Variants in GXYLT1 observed in about 807,000 individuals in gnomAD.
GXYLT1 encodes glucoside xylosyltransferase 1.
In GXYLT1, 29 loss-of-function variants were observed where a neutral mutation model predicts 54.0. The ratio of observed to expected loss-of-function variants is 0.54; its 90% CI spans 0.40 to 0.73. The LOEUF (loss-of-function observed/expected upper bound fraction) is 0.73. Among genes scored for constraint, GXYLT1 ranks in the 30% least tolerant of loss-of-function variants. The pLI is 0.00. For synonymous variants in GXYLT1, 176 were observed against 204.1 expected (o/e 0.86, Z 1.17); for missense variants, 490 against 553.4 (o/e 0.89, Z 1.15).
At chr12:42,141,065 G>A (rs1339364007) in intron 1 of GXYLT1, among the ~76,000 whole-genome samples, 4 of 152,000 alleles carry the variant, frequency 2.6e-5, no homozygotes, top group Non-Finnish European at 5.9e-5. Flanking sequence ...TTGAGGCACC[G>A]CTCCTCTCCA....
At chr12:42,138,446 C>T (rs142357647) in intron 1 of GXYLT1, among the ~76,000 whole-genome samples, 46 of 152,198 alleles carry the variant, frequency 3.0e-4, no homozygotes, top group African/African-American at 1.1e-3. Flanking sequence ...CAATCATCTA[C>T]CCATTTCAAA....
At position 42,119,180 on chromosome 12, in the gene GXYLT1, AAAG is replaced by A; in HGVS notation, c.315-12_315-10del. The A allele has an allele frequency of 6.8e-7, 1 of 1,467,790 alleles. No individual in the cohort carries two copies. Among genetic ancestry groups the A allele is most frequent in the Non-Finnish European group, 9.1e-7 (1 of 1,104,638 alleles). 90.9% of individuals were successfully genotyped at this position (1,467,790 alleles called of 1,614,324 possible). On this transcript the variant is annotated splice_polypyrimidine_tract_variant and intron_variant, in intron 2 of 7. Transcript: ENST00000398675. ...GTATTTTCAGACTGTACCTAATAGG[AAAG>A]AAAACCACATTTTTCAACAGTTTTA...
chr12:42,136,963 TGA>T (rs1482996480), intron 1 of GXYLT1, among the ~76,000 whole-genome samples: 1 of 152,040 alleles, frequency 6.6e-6, no homozygotes, highest in Non-Finnish European at 1.5e-5. Context: ...TTGTTGTTGT[TGA>T]GAGAGTGTTT....
intron 2 of GXYLT1, among the ~76,000 whole-genome samples, chr12:42,123,817 A>G (rs2136910076): frequency 6.6e-6 from 1 of 152,210 alleles, no homozygotes; most frequent in East Asian, 1.9e-4. Context: ...CCATGAAGCT[A>G]TCTTTAAAAA....
At chr12:42,099,582 G>A (rs2136882523) in intron 5 of GXYLT1, among the ~76,000 whole-genome samples, 1 of 152,328 alleles carries the variant, frequency 6.6e-6, no homozygotes, top group East Asian at 1.9e-4. Flanking sequence ...GTCAGGCACA[G>A]CGACTCACGC....
chr12:42,099,083 T>G (rs148885114), intron 5 of GXYLT1, among the ~76,000 whole-genome samples: 7 of 152,088 alleles, frequency 4.6e-5, no homozygotes, highest in Non-Finnish European at 1.0e-4. Context: ...ATATTAAGAC[T>G]GCACTCCAAG....
intron 7 of GXYLT1, 107 bp downstream of exon 7, chr12:42,097,335 T>G (rs1365338958): frequency 5.7e-5 from 42 of 740,522 alleles, no homozygotes; most frequent in Middle Eastern, 4.1e-4. Context: ...TAATAACAGA[T>G]GAGGCTGAGT....
intron 3 of GXYLT1, among the ~76,000 whole-genome samples, chr12:42,118,564 A>G (rs1467303021): frequency 6.6e-6 from 1 of 152,256 alleles, no homozygotes; most frequent in African/African-American, 2.4e-5. Flanking sequence ...CAATTAAGAA[A>G]TAAAACAACT....
At chr12:42,137,190 T>A (rs1049977090) in intron 1 of GXYLT1, among the ~76,000 whole-genome samples, 4 of 152,062 alleles carry the variant, frequency 2.6e-5, no homozygotes. Context: ...CTGACCAACA[T>A]GGTGAAACCT....
At chr12:42,100,223 T>C (rs908491709) in intron 5 of GXYLT1, among the ~76,000 whole-genome samples, 3 of 152,270 alleles carry the variant, frequency 2.0e-5, no homozygotes, top group Admixed American at 2.0e-4. Flanking sequence ...AAACCAGTAT[T>C]CTTCATAGTG....
At position 42,082,252 on chromosome 12, in the gene GXYLT1, T is replaced by A. The variant is rs2065258443; in HGVS notation, c.*5534A>T. 6.6e-6 allele frequency: 1 copy of A among 152,206 alleles called. No homozygotes were observed. The highest frequency in any genetic ancestry group is 2.4e-5 in the African/African-American group (1 of 41,464). 9.4% of individuals were successfully genotyped at this position (152,206 alleles called of 1,614,324 possible). On this transcript the variant is annotated 3_prime_UTR_variant, in exon 8 of 8. Transcript: ENST00000398675. Reference sequence around the variant, plus strand: ...GAACAGGTGCAAACCACCATCCTCTTCACAGATCTTCTGTTACGGCAACCA... The same window carrying A: ...GAACAGGTGCAAACCACCATCCTCTACACAGATCTTCTGTTACGGCAACCA...
chr12:42,123,874 C>T lies in GXYLT1; in HGVS notation c.315-4703G>A, dbSNP rs374963603. On this transcript the variant is annotated intron_variant, in intron 2 of 7. Coordinates refer to ENST00000398675, the MANE Select transcript of GXYLT1 (RefSeq NM_173601.2). Reference sequence around the variant, plus strand: ...AAGCTTTTTTGCTTAACCTGTTATGCTTAAAAAGAAAAACAACACCTTTTT... The same window carrying T: ...AAGCTTTTTTGCTTAACCTGTTATGTTTAAAAAGAAAAACAACACCTTTTT... Among the ~76,000 whole-genome samples the T allele has an allele frequency of 2.3e-4, 35 of 151,178 alleles. No individual in the cohort carries two copies. In the South Asian group the frequency reaches 7.1e-3, roughly 31 times the overall value.
At chr12:42,129,681 C>T (rs183268153) in intron 2 of GXYLT1, 78 bp downstream of exon 2, 6 of 805,118 alleles carry the variant, frequency 7.5e-6, no homozygotes, top group African/African-American at 1.7e-5. Context: ...AACATTCTTA[C>T]ATCCTATTAC....
rs1351474748 is a variant in GXYLT1, at chr12:42,086,927, A to G, written c.*859T>C. ...CATCACACTTTCCACCATCATGAGT[A>G]TACTCTTAAGGTTCTCACTTTACCA... On this transcript the variant is annotated 3_prime_UTR_variant, in exon 8 of 8. Transcript: ENST00000398675. 1 of 152,088 alleles carries G rather than the reference A, an allele frequency of 6.6e-6. No individual in the cohort carries two copies. The highest frequency in any genetic ancestry group is 2.4e-5 in the African/African-American group (1 of 41,410). 9.4% of individuals were successfully genotyped at this position (152,088 alleles called of 1,614,324 possible). A position where few individuals can be genotyped will look rare whatever the true frequency, so the allele number is the denominator to read the frequency against.
intron 1 of GXYLT1, among the ~76,000 whole-genome samples, chr12:42,139,939 T>C (rs556372775): frequency 6.6e-6 from 1 of 152,130 alleles, no homozygotes; most frequent in African/African-American, 2.4e-5. Context: ...CCCAGCACTT[T>C]GGGAAGCCGA....
intron 1 of GXYLT1, among the ~76,000 whole-genome samples, chr12:42,130,375 T>C (rs961501703): frequency 6.6e-6 from 1 of 152,012 alleles, no homozygotes; most frequent in South Asian, 2.1e-4. Context: ...ATGAAAATGG[T>C]CAATATCACT....
At chr12:42,113,985 C>G (rs1465389883) in intron 3 of GXYLT1, among the ~76,000 whole-genome samples, 1 of 152,130 alleles carries the variant, frequency 6.6e-6, no homozygotes, top group Non-Finnish European at 1.5e-5. Context: ...TCACTCAAAA[C>G]CACTCAACTA....
intron 7 of GXYLT1, 51 bp downstream of exon 7, chr12:42,097,391 T>C: frequency 7.1e-7 from 1 of 1,409,038 alleles, no homozygotes; most frequent in Non-Finnish European, 9.5e-7. Flanking sequence ...AACCATTAGC[T>C]TGAAAGTATT....
rs2065484263 is a variant in GXYLT1 at position 42,114,988 on chromosome 12, A to C, written c.486+4012T>G. Among the ~76,000 whole-genome samples the C allele has an allele frequency of 3.3e-5, 5 of 152,382 alleles. No homozygotes were observed. In the South Asian group the frequency reaches 1.0e-3, roughly 32 times the overall value. On this transcript the variant is annotated intron_variant, in intron 3 of 7. Coordinates refer to ENST00000398675, the MANE Select transcript of GXYLT1 (RefSeq NM_173601.2). ...AGGCTGGTTCAACATATGGAAATCA[A>C]TAAACGTAATCCAGCATATAAATAG...
Sources: gnomAD v4.1 joint callset for allele counts (sites outside exome capture counted in the v4.1 genomes callset) on GRCh38, gnomAD v4.1.1 for gene constraint, MANE v1.5 for transcripts, NCBI Gene and HGNC (gene_info 2026-07-23, HGNC 2026-07-21) for gene names.